Variants in UBASH3B observed in about 807,000 individuals in gnomAD.
UBASH3B encodes the protein ubiquitin-associated and SH3 domain-containing protein B.
A neutral mutation model predicts 83.4 loss-of-function variants in UBASH3B; 37 were observed. The observed-to-expected ratio is 0.44, with a 90% CI of 0.34 to 0.58. UBASH3B has a LOEUF of 0.58. UBASH3B is among the 20% of genes least tolerant of loss of function. UBASH3B has a pLI of 0.01. For missense variants in UBASH3B, 657 were observed against 827.2 expected, an observed-to-expected ratio of 0.79 and a Z score of 2.52; for synonymous variants, 304 against 318.3, an observed-to-expected ratio of 0.96 and a Z score of 0.48.
intron 1 of UBASH3B, among the ~76,000 whole-genome samples, chr11:122,688,185 C>A (rs147783940): frequency 2.0e-3 from 304 of 151,948 alleles, no homozygotes; most frequent in African/African-American, 6.9e-3. Context: ...TGTTAAAGCA[C>A]TTCCTCAGGA....
At chr11:122,702,012 C>T (rs1289364475) in intron 1 of UBASH3B, among the ~76,000 whole-genome samples, 1 of 152,052 alleles carries the variant, frequency 6.6e-6, no homozygotes, top group East Asian at 1.9e-4. Context: ...AACCACCACG[C>T]CCAGCTGTAA....
At chr11:122,682,358 T>C (rs1385986933) in intron 1 of UBASH3B, among the ~76,000 whole-genome samples, 1 of 152,154 alleles carries the variant, frequency 6.6e-6, no homozygotes, top group Non-Finnish European at 1.5e-5. Flanking sequence ...TTGATATGGA[T>C]GATAGTTATA....
chr11:122,715,639 G>A (rs1860510634), intron 1 of UBASH3B, among the ~76,000 whole-genome samples: 1 of 152,164 alleles, frequency 6.6e-6, no homozygotes, highest in African/African-American at 2.4e-5. Context: ...CCACCCATCT[G>A]TTCCCCTACT....
chr11:122,658,439 G>GC (rs1863392612), intron 1 of UBASH3B, among the ~76,000 whole-genome samples: 1 of 152,118 alleles, frequency 6.6e-6, no homozygotes, highest in African/African-American at 2.4e-5. Context: ...TAGCATAAGG[G>GC]TCATTTTTGG....
In UBASH3B at chr11:122,812,712, G is replaced by A. The variant is rs562757196; in HGVS notation, c.*2826G>A. On this transcript the variant is annotated 3_prime_UTR_variant, in exon 14 of 14. Transcript: ENST00000284273. ...TTCTACAAGTGTGCCACATCAATCC[G>A]GTAATGCCCCAGTGTTATTCACAGA... is the stretch of plus-strand genomic sequence containing the variant. 2.0e-5 allele frequency: 3 copies of A among 152,158 alleles called. No homozygotes were observed. The highest frequency in any genetic ancestry group is 6.5e-5 in the Admixed American group (1 of 15,276). The allele number at this position is 152,158 out of a possible 1,614,324, so 9.4% of individuals were successfully genotyped here. A position where few individuals can be genotyped will look rare whatever the true frequency, so the allele number is the denominator to read the frequency against.
rs773735853 is a variant in UBASH3B at position 122,801,342 on chromosome 11, G to A, written c.1595+10G>A. On this transcript the variant is annotated intron_variant, in intron 11 of 13. Coordinates refer to ENST00000284273, the MANE Select transcript of UBASH3B (RefSeq NM_032873.5). The stretch of plus-strand genomic sequence containing the variant: ...TTGATACAACCTACAGGTAAGCCTC[G>A]GAAACTGCTGCTTACTGAGGCCAGT... The A allele has an allele frequency of 7.4e-6, 12 of 1,612,906 alleles. No individual in the cohort carries two copies. The highest frequency in any genetic ancestry group is 4.0e-5 in the African/African-American group (3 of 74,910).
rs79508890 is a variant in UBASH3B at position 122,800,562 on chromosome 11, T to A, written c.1451-626T>A. On this transcript the variant is annotated intron_variant, in intron 10 of 13. Coordinates refer to ENST00000284273, the MANE Select transcript of UBASH3B (RefSeq NM_032873.5). ...GAGCAAGACTCTGTATCAAAAAAAA[T>A]AATAATAATAAAGAAAGAAAGAGGA... 8.4e-3 allele frequency among the ~76,000 whole-genome samples: 1,276 copies of A among 151,178 alleles called. 76 individuals carry two copies. The East Asian group carries it at 0.16, about 19-fold the overall frequency.
intron 1 of UBASH3B, among the ~76,000 whole-genome samples, chr11:122,665,027 G>A (rs1010620779): frequency 2.0e-5 from 3 of 152,184 alleles, no homozygotes; most frequent in African/African-American, 7.2e-5. Context: ...TCCTGCCTCA[G>A]CCTCCCAAGT....
At chr11:122,730,970 C>T (rs996018918) in intron 1 of UBASH3B, among the ~76,000 whole-genome samples, 11 of 152,236 alleles carry the variant, frequency 7.2e-5, no homozygotes, top group Non-Finnish European at 1.3e-4. Context: ...GGAACCTTCA[C>T]TACTTCTGCC....
rs200746675 is a variant in UBASH3B, at chr11:122,798,973, C to A, written c.1389C>A (p.Ile463=). 6.2e-7 allele frequency: 1 copy of A among 1,614,026 alleles called. No individual in the cohort carries two copies. Among genetic ancestry groups the A allele is most frequent in the Non-Finnish European group, 8.5e-7 (1 of 1,179,944 alleles). The change falls in exon 10 of 14, where the codon ATC becomes ATA. Residue 463 remains isoleucine (I), a synonymous_variant. Coordinates refer to ENST00000284273, the MANE Select transcript of UBASH3B (RefSeq NM_032873.5). ...GEALLESNTI[I]DHVYCSPSLR... is the part of the protein sequence containing the mutation. ...CCTTATTAGAGAGCAATACCATTATCGATCATGTCTATTGCTCCCCGTCCC... is the reference window on the plus strand; with the variant it reads ...CCTTATTAGAGAGCAATACCATTATAGATCATGTCTATTGCTCCCCGTCCC...
At chr11:122,725,611 A>G (rs1326932165) in intron 1 of UBASH3B, among the ~76,000 whole-genome samples, 4 of 152,180 alleles carry the variant, frequency 2.6e-5, no homozygotes, top group African/African-American at 7.2e-5. Context: ...TTGGAGGAGC[A>G]TGCTGTACTG....
chr11:122,656,141 G>A lies in UBASH3B; in HGVS notation c.92G>A (p.Arg31His), dbSNP rs868417514. 6.3e-7 allele frequency: 1 copy of A among 1,589,768 alleles called. No homozygotes were observed. The highest frequency in any genetic ancestry group is 8.6e-7 in the Non-Finnish European group (1 of 1,169,272). ...ACCCCCCGGAGGAACCGCCAACAGC[G>A]CCCCGGCACCATCAAGCATGGATCG... ...KVTPRRNRQQ[R>H]PGTIKHGSAL... Residue 31 changes from arginine to histidine, a missense_variant, in exon 1 of 14, where the codon CGC becomes CAC. Transcript: ENST00000284273.
chr11:122,759,023 G>C lies in UBASH3B; in HGVS notation c.162-17196G>C, dbSNP rs182487424. Among the ~76,000 whole-genome samples, 4 of 152,280 alleles carry C rather than the reference G, an allele frequency of 2.6e-5. No homozygotes were observed. The highest frequency in any genetic ancestry group is 9.6e-5 in the African/African-American group (4 of 41,552). ...CATTTTCCCAGTTTCTGTAGGTCAG[G>C]AGCCCAGGCATGGCTTGACTGGGTT... On this transcript the variant is annotated intron_variant, in intron 1 of 13. Transcript: ENST00000284273. The surrounding 1 kb of genome is among the most constrained non-coding windows in gnomAD (Gnocchi z 4.1).
intron 1 of UBASH3B, among the ~76,000 whole-genome samples, chr11:122,762,613 T>G (rs11218797): frequency 0.2 from 30,044 of 152,244 alleles, 3,383 homozygotes; most frequent in Middle Eastern, 0.29. Flanking sequence ...CTCCCCTGCC[T>G]GGCTCCCAAC....
chr11:122,791,121 A>G (rs1861046262), intron 6 of UBASH3B, among the ~76,000 whole-genome samples: 1 of 152,196 alleles, frequency 6.6e-6, no homozygotes. Context: ...TATTCGAGAG[A>G]TTACTAATGA....
rs192283118 is a variant in UBASH3B, at chr11:122,715,250, A to C, written c.161+59040A>C. 1.3e-4 allele frequency among the ~76,000 whole-genome samples: 20 copies of C among 152,352 alleles called. No homozygotes were observed. In the East Asian group the frequency reaches 3.9e-3, roughly 29 times the overall value. ...ATGAGCCACTGCGCCCAGCCGAGAT[A>C]AATGTTAAATGCTGACACAGTGCTT... On this transcript the variant is annotated intron_variant, in intron 1 of 13. Coordinates refer to ENST00000284273, the MANE Select transcript of UBASH3B (RefSeq NM_032873.5).
intron 1 of UBASH3B, among the ~76,000 whole-genome samples, chr11:122,658,774 A>C (rs1425819575): frequency 6.6e-6 from 1 of 152,248 alleles, no homozygotes; most frequent in Non-Finnish European, 1.5e-5. Flanking sequence ...TTCCTGGCAC[A>C]TAGTGAGCAA....
intron 6 of UBASH3B, among the ~76,000 whole-genome samples, chr11:122,792,023 T>C (rs1861063093): frequency 6.6e-6 from 1 of 152,198 alleles, no homozygotes; most frequent in Non-Finnish European, 1.5e-5. Flanking sequence ...CTCCCTCCAC[T>C]GTTCTGAGCA....
At position 122,759,923 on chromosome 11, in the gene UBASH3B, G is replaced by T. The variant is rs984903857; in HGVS notation, c.162-16296G>T. ...ATTCCATCACCTTTGCCATATAGAGGTAAGTCATAGGTCTCACCTACACTT... is the reference window on the plus strand; with the variant it reads ...ATTCCATCACCTTTGCCATATAGAGTTAAGTCATAGGTCTCACCTACACTT... On this transcript the variant is annotated intron_variant, in intron 1 of 13. Coordinates refer to ENST00000284273, the MANE Select transcript of UBASH3B (RefSeq NM_032873.5). The surrounding 1 kb of genome is among the most constrained non-coding windows in gnomAD (Gnocchi z 4.1). Among the ~76,000 whole-genome samples the T allele has an allele frequency of 6.6e-6, 1 of 152,164 alleles. No individual in the cohort carries two copies.
Sources: allele counts gnomAD v4.1 joint callset (sites outside exome capture counted in the v4.1 genomes callset), GRCh38; gene constraint gnomAD v4.1.1; non-coding constraint Gnocchi (gnomAD v3.1); transcripts MANE v1.5; gene names NCBI Gene and HGNC (gene_info 2026-07-23, HGNC 2026-07-21).